PEAR1: variants seen among roughly 807,000 people sequenced by gnomAD.
PEAR1 encodes platelet endothelial aggregation receptor 1.
In PEAR1, 113 loss-of-function variants were observed where a neutral mutation model predicts 131.2. That is an observed-to-expected ratio of 0.86 (90% CI 0.74 to 1.01). The LOEUF (loss-of-function observed/expected upper bound fraction) is 1.01. Ranked by LOEUF, PEAR1 falls within the 50% of genes least tolerant of loss-of-function variation. The pLI is 0.00. For synonymous variants in PEAR1, 565 were observed against 523.3 expected (o/e 1.08, Z -1.09); for missense variants, 1,408 against 1,391.1 (o/e 1.01, Z -0.19).
chr1:156,913,969 T>G lies in PEAR1; in HGVS notation c.2831T>G (p.Met944Arg). 1.2e-6 allele frequency: 2 copies of G among 1,613,852 alleles called. 1 individual carries two copies. Reference protein sequence around the residue: ...LPGGPRESSYMEMKGPPSGSP... With the variant: ...LPGGPRESSYREMKGPPSGSP... ...GGGGGCCCCCGGGAGAGCAGCTACATGGAGATGAAAGGCCCTCCCTCAGGA... is the reference window on the plus strand; with the variant it reads ...GGGGGCCCCCGGGAGAGCAGCTACAGGGAGATGAAAGGCCCTCCCTCAGGA... The change falls in exon 22 of 23, where the codon ATG becomes AGG. Residue 944 changes from methionine to arginine, a missense_variant. Met to Arg is a moderately conservative substitution (Grantham distance 91, BLOSUM62 -1). Coordinates refer to ENST00000292357, the MANE Select transcript of PEAR1 (RefSeq NM_001080471.3).
chr1:156,907,147 G>A (rs564162760), intron 6 of PEAR1, among the ~76,000 whole-genome samples: 9 of 152,340 alleles, frequency 5.9e-5, no homozygotes, highest in African/African-American at 1.9e-4. Context: ...GAGGTAGCAC[G>A]TGTGTGAAGG....
rs889902189 is a variant in PEAR1, at chr1:156,914,540, T to C, written c.2963-107T>C. The C allele has an allele frequency of 6.3e-5, 74 of 1,179,418 alleles. No individual in the cohort carries two copies. In the Middle Eastern group the frequency reaches 1.4e-3, roughly 22 times the overall value. The allele number at this position is 1,179,418 out of a possible 1,614,324, so 73.1% of individuals were successfully genotyped here. A position where few individuals can be genotyped will look rare whatever the true frequency, so the allele number is the denominator to read the frequency against. On this transcript the variant is annotated intron_variant, in intron 22 of 22. Coordinates refer to ENST00000292357, the MANE Select transcript of PEAR1 (RefSeq NM_001080471.3). ...TATGTATCCAGGCCCCATCTGCTTC[T>C]CTTTGCCTTGAAGAGGCTGAAGAGG...
At chr1:156,901,159 C>T (rs1205804136) in intron 1 of PEAR1, among the ~76,000 whole-genome samples, 1 of 152,232 alleles carries the variant, frequency 6.6e-6, no homozygotes, top group South Asian at 2.1e-4. Context: ...TGGCTTCCAG[C>T]CCCTGGGCTG....
At chr1:156,914,589 G>C in intron 22 of PEAR1, 58 bp from the exon 23 acceptor site, 1 of 1,536,500 alleles carries the variant, frequency 6.5e-7, no homozygotes, top group Non-Finnish European at 8.8e-7. Flanking sequence ...GGGAGTGGAG[G>C]GAGTGGGGAG....
At chr1:156,895,010 C>T (rs1424754361) in intron 1 of PEAR1, among the ~76,000 whole-genome samples, 2 of 152,228 alleles carry the variant, frequency 1.3e-5, no homozygotes, top group African/African-American at 4.8e-5. Context: ...CGCAGCCCTC[C>T]TATCTCCTGT....
chr1:156,908,624 G>A lies in PEAR1; in HGVS notation c.1116-31G>A. ...AGCTGCCCTGCCCCTGCCCAGCTCAGACCGCGCCACGCCCCCGCCTCTGCC... is the reference window on the plus strand; with the variant it reads ...AGCTGCCCTGCCCCTGCCCAGCTCAAACCGCGCCACGCCCCCGCCTCTGCC... On this transcript the variant is annotated intron_variant, in intron 9 of 22. Transcript: ENST00000292357. This position sits in a 1 kb window ranked among gnomAD's most constrained non-coding sequence, Gnocchi z 4.2. The A allele has an allele frequency of 6.7e-7, 1 of 1,496,338 alleles. No homozygotes were observed. Among genetic ancestry groups the A allele is most frequent in the East Asian group, 2.5e-5 (1 of 40,516 alleles). The allele number at this position is 1,496,338 out of a possible 1,614,324, so 92.7% of individuals were successfully genotyped here.
rs755375429 is a variant in PEAR1 at position 156,906,369 on chromosome 1, G to A, written c.400+1G>A. The A allele has an allele frequency of 6.2e-7, 1 of 1,614,178 alleles. No homozygotes were observed. The highest frequency in any genetic ancestry group is 1.1e-5 in the South Asian group (1 of 91,086). On this transcript the variant is annotated splice_donor_variant, in intron 5 of 22. Coordinates refer to ENST00000292357, the MANE Select transcript of PEAR1 (RefSeq NM_001080471.3). LOFTEE classifies it high-confidence loss of function. ...TGGCGGGGCGACGACTGTTCCAGTG[G>A]TGAGTGGCTACTGACCCCAGGGAGT...
In PEAR1 at chr1:156,909,013, A is replaced by T. The variant is rs753637166; in HGVS notation, c.1388A>T (p.Asp463Val). 6.2e-7 allele frequency: 1 copy of T among 1,614,016 alleles called. No homozygotes were observed. The highest frequency in any genetic ancestry group is 1.1e-5 in the South Asian group (1 of 91,076). Reference protein sequence around the residue: ...CENAIACSPIDGECVCKEGWQ... With the variant: ...CENAIACSPIVGECVCKEGWQ... ...AATGCCATCGCCTGCTCACCCATCG[A>T]CGGCGAGTGCGTCTGCAAGGAAGGT... Residue 463 changes from aspartate to valine, a missense_variant, in exon 11 of 23, where the codon GAC (aspartate) becomes GTC (valine). Asp to Val is a radical substitution (Grantham distance 152, BLOSUM62 -3). Transcript: ENST00000292357.
At chr1:156,914,167 G>A in intron 22 of PEAR1, 67 bp downstream of exon 22, 1 of 1,472,300 alleles carries the variant, frequency 6.8e-7, no homozygotes. Flanking sequence ...AAAAACAGAA[G>A]GAACAGAGGG....
At position 156,905,088 on chromosome 1, in the gene PEAR1, G is replaced by T. The variant is rs540865325; in HGVS notation, c.206+236G>T. 416 of 1,348,168 alleles carry T rather than the reference G, an allele frequency of 3.1e-4. 2 individuals are homozygous for T. In the African/African-American group the frequency reaches 5.0e-3, roughly 16 times the overall value. 83.5% of individuals were successfully genotyped at this position (1,348,168 alleles called of 1,614,324 possible). A position where few individuals can be genotyped will look rare whatever the true frequency, so the allele number is the denominator to read the frequency against. ...CAGTATATGCCTGTGGGGTTGGGGG[G>T]GGGGCAAGAAGGGAATGCTCTTTCT... On this transcript the variant is annotated intron_variant, in intron 3 of 22. Transcript: ENST00000292357.
In PEAR1 at chr1:156,910,081, C is replaced by T. The variant is rs755739282; in HGVS notation, c.1651C>T (p.Arg551Cys). 21 of 1,614,038 alleles carry T rather than the reference C, an allele frequency of 1.3e-5. No individual in the cohort carries two copies. The highest frequency in any genetic ancestry group is 8.3e-5 in the Admixed American group (5 of 60,006). ...TGATGGCTGTGACCCTGTTCATGGA[C>T]GCTGTCAGTGCCAGGCTGGCTGGAT... ...HSDGCDPVHG[R>C]CQCQAGWMGA... Residue 551 changes from arginine (R) to cysteine (C), a missense_variant, in exon 13 of 23, where the codon CGC becomes TGC. By Grantham distance (180) the Arg-to-Cys change is radical. Transcript: ENST00000292357.
chr1:156,904,676 T>C (rs1301979519), intron 2 of PEAR1, 72 bp from the exon 3 acceptor site: 2 of 1,459,070 alleles, frequency 1.4e-6, no homozygotes, highest in Non-Finnish European at 1.9e-6. Context: ...CAAGCCCTCA[T>C]GGCCATTTTC....
chr1:156,914,666 C>T lies in PEAR1; in HGVS notation c.2982C>T (p.Ser994=), dbSNP rs1377957338. The T allele has an allele frequency of 5.0e-6, 8 of 1,612,580 alleles. No individual in the cohort carries two copies. The highest frequency in any genetic ancestry group is 5.9e-6 in the Non-Finnish European group (7 of 1,179,252). ...PLIHDRDSVG[S]QPPLPPGLPP... The stretch of plus-strand genomic sequence containing the variant: ...TTCCAGACCGAGACTCTGTGGGCTC[C>T]CAGCCCCCTCTGCCTCCGGGCCTAC... The change falls in exon 23 of 23, where the codon TCC becomes TCT. Residue 994 remains serine (S), a synonymous_variant. Transcript: ENST00000292357.
Position 156,904,030 on chromosome 1 carries a change from G to A in PEAR1, c.101+3G>A, listed in dbSNP as rs374448884. ...AATACCTGCAGCTTCTGGGAAAGGTGAGAGGGCCCCTGCTGCACCTTGAGG... is the reference window on the plus strand; with the variant it reads ...AATACCTGCAGCTTCTGGGAAAGGTAAGAGGGCCCCTGCTGCACCTTGAGG... On this transcript the variant is annotated splice_donor_region_variant and intron_variant, in intron 2 of 22. Transcript: ENST00000292357. 4 of 1,612,526 alleles carry A rather than the reference G, an allele frequency of 2.5e-6. No individual in the cohort carries two copies. The highest frequency in any genetic ancestry group is 3.4e-6 in the Non-Finnish European group (4 of 1,178,762).
At position 156,912,187 on chromosome 1, in the gene PEAR1, G is replaced by A. The variant is rs75966765; in HGVS notation, c.1952-60G>A. The A allele has an allele frequency of 1.5e-3, 2,404 of 1,552,692 alleles. 29 individuals carry two copies. The African/African-American group carries it at 0.029, about 19-fold the overall frequency. ...AAAGGCTTCAGTGATGCTGGGGGCT[G>A]AGAGTTCATCCAGGAAAAGCTGTAC... On this transcript the variant is annotated intron_variant, in intron 15 of 22. Coordinates refer to ENST00000292357, the MANE Select transcript of PEAR1 (RefSeq NM_001080471.3).
At chr1:156,914,572 G>A (rs1651672970) in intron 22 of PEAR1, 75 bp from the exon 23 acceptor site, 2 of 1,438,298 alleles carry the variant, frequency 1.4e-6, no homozygotes, top group Non-Finnish European at 9.5e-7. Flanking sequence ...GAGGAGAGGA[G>A]TGCAGTGGGA....
chr1:156,909,080 C>T (rs1379499736), intron 11 of PEAR1, 44 bp downstream of exon 11: 11 of 1,610,746 alleles, frequency 6.8e-6, no homozygotes, highest in Non-Finnish European at 9.3e-6. Flanking sequence ...GGGGGATGGC[C>T]AAGGGAAGAA....
In PEAR1 at chr1:156,912,832, G is replaced by C; in HGVS notation, c.2272G>C (p.Val758Leu). The C allele has an allele frequency of 6.2e-7, 1 of 1,614,256 alleles. No individual in the cohort carries two copies. The highest frequency in any genetic ancestry group is 8.5e-7 in the Non-Finnish European group (1 of 1,180,048). ...TPVAYNSLGA[V>L]IGIAVLGSLV... ...AGTAGCGTATAACTCGCTGGGTGCA[G>C]TGATTGGCATTGCAGTGCTGGGGTC... is the stretch of plus-strand genomic sequence containing the variant. The change falls in exon 18 of 23, where the codon GTG (valine) becomes CTG (leucine). Residue 758 changes from valine to leucine, a missense_variant. Coordinates refer to ENST00000292357, the MANE Select transcript of PEAR1 (RefSeq NM_001080471.3).
chr1:156,897,841 G>A (rs1649309863), intron 1 of PEAR1, among the ~76,000 whole-genome samples: 1 of 152,180 alleles, frequency 6.6e-6, no homozygotes, highest in African/African-American at 2.4e-5. Context: ...CAGTGTGATG[G>A]GAGCGCAGGG....
Sources: gnomAD v4.1 joint callset for allele counts (sites outside exome capture counted in the v4.1 genomes callset) on GRCh38, gnomAD v4.1.1 for gene constraint, Gnocchi (gnomAD v3.1) non-coding constraint, MANE v1.5 for transcripts, NCBI Gene and HGNC (gene_info 2026-07-23, HGNC 2026-07-21) for gene names.